Variants in CTBP2 observed in about 807,000 individuals in gnomAD.
The protein encoded by CTBP2 is C-terminal-binding protein 2.
Under a neutral mutation model 80.3 loss-of-function variants are expected in CTBP2, and 30 were observed. That is an observed-to-expected ratio of 0.37 (90% CI 0.28 to 0.51). The LOEUF is 0.51. Among genes scored for constraint, CTBP2 ranks in the 20% least tolerant of loss-of-function variants. The probability of loss-of-function intolerance (pLI) is 0.93; values close to 1 mark genes in which losing one functional copy is unlikely to be tolerated. For missense variants in CTBP2, 1,212 were observed against 1,375.3 expected, an observed-to-expected ratio of 0.88 and a Z score of 1.88; for synonymous variants, 594 against 587.4, an observed-to-expected ratio of 1.01 and a Z score of -0.16.
At chr10:125,126,152 GGGCCA>G (rs145256172) in intron 1 of CTBP2, among the ~76,000 whole-genome samples, 10,792 of 152,246 alleles carry the variant, frequency 0.071, 542 homozygotes, top group Middle Eastern at 0.13. Flanking sequence ...ACTTCGCAAT[GGGCCA>G]GTTCAGCTGC....
At chr10:125,006,069 T>C in intron 1 of CTBP2, 1 of 1,279,238 alleles carries the variant, frequency 7.8e-7, no homozygotes, top group Non-Finnish European at 1.0e-6. Context: ...GGTAACAAAC[T>C]CCAGGTTGCC....
At chr10:124,998,587 G>A in intron 3 of CTBP2, 1 of 230,268 alleles carries the variant, frequency 4.3e-6, no homozygotes, top group Non-Finnish European at 8.6e-6. Flanking sequence ...CATGGAGCTG[G>A]CAGGGTGACA....
At chr10:125,014,696 A>G (rs1426452958) in intron 1 of CTBP2, among the ~76,000 whole-genome samples, 2 of 152,176 alleles carry the variant, frequency 1.3e-5, no homozygotes, top group African/African-American at 4.8e-5. Context: ...AGCCCTCCAG[A>G]AAGCACTGAC....
At chr10:125,077,367 T>C (rs1417302809) in intron 2 of CTBP2, among the ~76,000 whole-genome samples, 1 of 152,082 alleles carries the variant, frequency 6.6e-6, no homozygotes, top group Non-Finnish European at 1.5e-5. Flanking sequence ...GCAGAGTTGG[T>C]TTCTGACATC....
chr10:125,000,379 C>CT (rs1954290998), intron 3 of CTBP2: 1 of 152,246 alleles, frequency 6.6e-6, no homozygotes. Flanking sequence ...CTCTGATACT[C>CT]GCAGGCTGGG....
chr10:125,157,383 A>G (rs1240187007), intron 1 of CTBP2, among the ~76,000 whole-genome samples: 1 of 112,086 alleles, frequency 8.9e-6, no homozygotes, highest in Non-Finnish European at 1.8e-5. Flanking sequence ...GGGGGTTGTC[A>G]GGTGGGGGTT....
chr10:125,051,866 C>T (rs1222643069), intron 2 of CTBP2, among the ~76,000 whole-genome samples: 1 of 152,064 alleles, frequency 6.6e-6, no homozygotes. Flanking sequence ...CGAATATTCT[C>T]ATAAAAAGGA....
chr10:125,051,557 T>A (rs1252451979), intron 2 of CTBP2, among the ~76,000 whole-genome samples: 1 of 151,968 alleles, frequency 6.6e-6, no homozygotes, highest in Admixed American at 6.6e-5. Context: ...GGAGAATTGC[T>A]TGAACCCAGG....
At chr10:124,990,502 T>C (rs1009689899) in intron 8 of CTBP2, among the ~76,000 whole-genome samples, 2 of 152,202 alleles carry the variant, frequency 1.3e-5, no homozygotes, top group East Asian at 1.9e-4. Context: ...TAAGAAGATA[T>C]TAGCCCATAC....
At chr10:124,997,936 G>A (rs373689128) in intron 4 of CTBP2, 28 bp downstream of exon 6, 2 of 1,595,180 alleles carry the variant, frequency 1.3e-6, no homozygotes, top group Non-Finnish European at 1.7e-6. Flanking sequence ...CGGAGGGGTT[G>A]GGGGTCAGCG....
chr10:125,019,452 A>AAT (rs145757524), intron 1 of CTBP2, among the ~76,000 whole-genome samples: 49,331 of 151,736 alleles, frequency 0.33, 8,328 homozygotes, highest in Admixed American at 0.42. Context: ...CTTTCCTGTT[A>AAT]ATATATGTTG....
chr10:125,017,977 G>T (rs549914260), intron 1 of CTBP2, among the ~76,000 whole-genome samples: 1 of 152,342 alleles, frequency 6.6e-6, no homozygotes, highest in African/African-American at 2.4e-5. Context: ...TTGCTCCAGA[G>T]CCCAGCCACT....
chr10:125,149,099 G>T (rs1345986181), intron 1 of CTBP2, among the ~76,000 whole-genome samples: 1 of 152,112 alleles, frequency 6.6e-6, no homozygotes, highest in Admixed American at 6.5e-5. Context: ...TCTGCCCAGC[G>T]CAAAGGATCC....
chr10:125,078,527 T>A (rs202067972), intron 2 of CTBP2, among the ~76,000 whole-genome samples: 3 of 132,468 alleles, frequency 2.3e-5, no homozygotes, highest in Admixed American at 7.2e-5. Flanking sequence ...TTTTTTTTTT[T>A]TAAACCCAAC....
chr10:125,160,980 C>A (rs1026380332), upstream of CTBP2: 2 of 151,014 alleles, frequency 1.3e-5, no homozygotes, highest in African/African-American at 4.9e-5. Context: ...CGGCGCTGGC[C>A]GCAGCTCCCG....
chr10:125,010,018 T>C (rs988440091), intron 1 of CTBP2, among the ~76,000 whole-genome samples: 4 of 152,134 alleles, frequency 2.6e-5, no homozygotes, highest in Admixed American at 1.3e-4. Flanking sequence ...TGACTCCCCC[T>C]CCTTGTGTCC....
intron 2 of CTBP2, among the ~76,000 whole-genome samples, chr10:125,099,911 C>T (rs1437791562): frequency 6.6e-6 from 1 of 152,182 alleles, no homozygotes; most frequent in Non-Finnish European, 1.5e-5. Context: ...ATCCTCAAAA[C>T]AGGACTTTGC....
intron 1 of CTBP2, among the ~76,000 whole-genome samples, chr10:125,018,540 AAACCAAACC>A (rs1239626351): frequency 7.1e-5 from 10 of 141,370 alleles, no homozygotes; most frequent in African/African-American, 2.7e-4. Context: ...GCACCAGACC[AAACCAAACC>A]AACCAACAAA....
At chr10:125,093,520 C>A (rs1358310050) in intron 2 of CTBP2, among the ~76,000 whole-genome samples, 2 of 152,210 alleles carry the variant, frequency 1.3e-5, no homozygotes, top group African/African-American at 4.8e-5. Flanking sequence ...AATTCAAACT[C>A]AAATACCAAA....
Sources: gnomAD v4.1 joint callset for allele counts (sites outside exome capture counted in the v4.1 genomes callset) on GRCh38, gnomAD v4.1.1 for gene constraint, MANE v1.5 for transcripts, NCBI Gene and HGNC (gene_info 2026-07-23, HGNC 2026-07-21) for gene names.